FLVCR1: variants seen among roughly 807,000 people sequenced by gnomAD.
FLVCR1 encodes FLVCR choline and heme transporter 1.
Under a neutral mutation model 53.6 loss-of-function variants are expected in FLVCR1, and 34 were observed. The observed-to-expected ratio is 0.63, with a 90% CI of 0.48 to 0.84. FLVCR1 has a LOEUF of 0.84. Among genes scored for constraint, FLVCR1 ranks in the 40% least tolerant of loss-of-function variants. The pLI is 0.00. For missense variants in FLVCR1, 677 were observed against 696.7 expected, an observed-to-expected ratio of 0.97 and a Z score of 0.32; for synonymous variants, 300 against 286.3, an observed-to-expected ratio of 1.05 and a Z score of -0.48.
chr1:212,899,306 TCTGTATG>T lies in FLVCR1; in HGVS notation c.*4019_*4025del, dbSNP rs1198703199. 6.6e-6 allele frequency: 1 copy of T among 152,250 alleles called. No homozygotes were observed. Among genetic ancestry groups the T allele is most frequent in the African/African-American group, 2.4e-5 (1 of 41,476 alleles). 9.4% of individuals were successfully genotyped at this position (152,250 alleles called of 1,614,324 possible). Reference sequence around the variant, plus strand: ...TAATTTTTGTTCTTTGTACTATTTATCTGTATGCTTGTTCTTCAGTATTTCAGACTCA... The same window carrying T: ...TAATTTTTGTTCTTTGTACTATTTATCTTGTTCTTCAGTATTTCAGACTCA... On this transcript the variant is annotated 3_prime_UTR_variant, in exon 10 of 10. Transcript: ENST00000366971.
intron 1 of FLVCR1, among the ~76,000 whole-genome samples, chr1:212,863,071 T>C (rs773600275): frequency 1.4e-4 from 22 of 152,238 alleles, no homozygotes; most frequent in Non-Finnish European, 1.8e-4. Flanking sequence ...TGATCAGATA[T>C]ATAATTTACA....
At chr1:212,893,142 G>A (rs1378973350) in intron 8 of FLVCR1, among the ~76,000 whole-genome samples, 4 of 150,894 alleles carry the variant, frequency 2.7e-5, no homozygotes. Flanking sequence ...AGCAAGCTCT[G>A]CCTCCCGGGT....
intron 2 of FLVCR1, among the ~76,000 whole-genome samples, chr1:212,865,731 C>T (rs1394941904): frequency 6.6e-6 from 1 of 151,944 alleles, no homozygotes; most frequent in Admixed American, 6.6e-5. Context: ...ATCCACCTGC[C>T]TCAACCTCCC....
chr1:212,877,115 T>C (rs1378148299), intron 3 of FLVCR1, among the ~76,000 whole-genome samples: 2 of 149,896 alleles, frequency 1.3e-5, no homozygotes, highest in East Asian at 2.0e-4. Context: ...TTCATGTTTC[T>C]TGGCCACATA....
chr1:212,890,146 A>G (rs1318246165), intron 8 of FLVCR1, among the ~76,000 whole-genome samples: 1 of 152,240 alleles, frequency 6.6e-6, no homozygotes, highest in East Asian at 1.9e-4. Flanking sequence ...CTCCAGAGAA[A>G]GAGAATGTCA....
intron 5 of FLVCR1, among the ~76,000 whole-genome samples, chr1:212,886,986 G>A (rs1260007844): frequency 6.6e-6 from 1 of 152,052 alleles, no homozygotes; most frequent in Non-Finnish European, 1.5e-5. Context: ...ACTTACCCCT[G>A]TACTTGGAAA....
chr1:212,863,358 G>A (rs113902684), intron 1 of FLVCR1, among the ~76,000 whole-genome samples: 2 of 152,164 alleles, frequency 1.3e-5, no homozygotes, highest in African/African-American at 2.4e-5. Flanking sequence ...TTGGGAGGCC[G>A]AGGCGGGCGG....
intron 1 of FLVCR1, among the ~76,000 whole-genome samples, chr1:212,860,079 C>CT (rs773190612): frequency 6.6e-6 from 1 of 151,992 alleles, no homozygotes; most frequent in Admixed American, 6.6e-5. Context: ...GGCCAGGAGT[C>CT]TGAGACCAGC....
At chr1:212,889,633 G>C (rs2047289) in intron 8 of FLVCR1, among the ~76,000 whole-genome samples, 106,247 of 151,860 alleles carry the variant, frequency 0.7, 38,373 homozygotes, top group East Asian at 1. Flanking sequence ...TGGCGCACAC[G>C]TGTAGCCCCA....
chr1:212,859,294 T>G (rs1664146705), intron 1 of FLVCR1, 104 bp downstream of exon 1: 1 of 1,547,462 alleles, frequency 6.5e-7, no homozygotes, highest in South Asian at 1.1e-5. Flanking sequence ...CCAGGAGGTA[T>G]TTGTCTATAA....
At chr1:212,870,920 A>G (rs1664576453) in intron 2 of FLVCR1, among the ~76,000 whole-genome samples, 1 of 152,056 alleles carries the variant, frequency 6.6e-6, no homozygotes, top group Admixed American at 6.6e-5. Context: ...ATGTGCCACC[A>G]TTAATGCCTG....
chr1:212,887,491 A>G (rs1035829506), intron 5 of FLVCR1, among the ~76,000 whole-genome samples: 7 of 152,234 alleles, frequency 4.6e-5, no homozygotes, highest in Non-Finnish European at 1.0e-4. Context: ...AAACTAAAAT[A>G]GATGTCATAA....
intron 2 of FLVCR1, among the ~76,000 whole-genome samples, chr1:212,868,847 T>A (rs1664521122): frequency 6.6e-6 from 1 of 152,210 alleles, no homozygotes; most frequent in East Asian, 1.9e-4. Flanking sequence ...AATTACAGAA[T>A]TATTTTACAT....
Position 212,897,019 on chromosome 1 carries a change from C to T in FLVCR1, c.*1729C>T, listed in dbSNP as rs1306789340. The stretch of plus-strand genomic sequence containing the variant: ...TGAAACCCCATCTCTACTAAAAATA[C>T]AAAAATTAGCGCAGTGGCAGGCGCC... On this transcript the variant is annotated 3_prime_UTR_variant, in exon 10 of 10. Coordinates refer to ENST00000366971, the MANE Select transcript of FLVCR1 (RefSeq NM_014053.4). 6.6e-6 allele frequency: 1 copy of T among 151,588 alleles called. No homozygotes were observed. Among genetic ancestry groups the T allele is most frequent in the East Asian group, 1.9e-4 (1 of 5,172 alleles). The allele number at this position is 151,588 out of a possible 1,614,324, so 9.4% of individuals were successfully genotyped here. A position where few individuals can be genotyped will look rare whatever the true frequency, so the allele number is the denominator to read the frequency against.
intron 1 of FLVCR1, among the ~76,000 whole-genome samples, chr1:212,859,843 A>C (rs1291596579): frequency 6.6e-6 from 1 of 152,178 alleles, no homozygotes. Flanking sequence ...TATTTTTGTC[A>C]CCAGTGTATT....
chr1:212,860,350 G>GTTTTTTTTTTTTTGTTTTTTTTTTTTT (rs1664188244), intron 1 of FLVCR1, among the ~76,000 whole-genome samples: 1 of 85,824 alleles, frequency 1.2e-5, no homozygotes, highest in Non-Finnish European at 2.4e-5. Flanking sequence ...TGTGTGTGTG[G>GTTTTTTTTTTTTTGTTTTTTTTTTTTT]TTTTTTTTTT....
chr1:212,888,409 C>A (rs1453869590), intron 6 of FLVCR1, 80 bp from the exon 7 acceptor site: 4 of 969,658 alleles, frequency 4.1e-6, no homozygotes, highest in Non-Finnish European at 6.7e-6. Context: ...AGAATAAGCC[C>A]GAGAGGCAGA....
At position 212,885,344 on chromosome 1, in the gene FLVCR1, A is replaced by G. The variant is rs892478726; in HGVS notation, c.1144A>G (p.Met382Val). Residue 382 changes from methionine to valine, a missense_variant, in exon 5 of 10, where the codon ATG becomes GTG. Physicochemically the swap from Met to Val is conservative, Grantham distance 21 (BLOSUM62 1). Coordinates refer to ENST00000366971, the MANE Select transcript of FLVCR1 (RefSeq NM_014053.4). ...RIGLTLVVAG[M>V]VGSILCGLWL... is the part of the protein sequence containing the mutation. ...TGGGCTAACGCTAGTAGTAGCTGGA[A>G]TGGTGGGCTCTATTCTTTGTGGCTT... The G allele has an allele frequency of 6.2e-7, 1 of 1,614,142 alleles. No homozygotes were observed. The highest frequency in any genetic ancestry group is 8.5e-7 in the Non-Finnish European group (1 of 1,180,012).
intron 2 of FLVCR1, 66 bp downstream of exon 2, chr1:212,863,935 T>A: frequency 7.4e-7 from 1 of 1,355,718 alleles, no homozygotes; most frequent in Non-Finnish European, 1.1e-6. Flanking sequence ...TAACTAACTC[T>A]GGAAATTTTT....
Sources: gnomAD v4.1 joint callset for allele counts (sites outside exome capture counted in the v4.1 genomes callset) on GRCh38, gnomAD v4.1.1 for gene constraint, MANE v1.5 for transcripts, NCBI Gene and HGNC (gene_info 2026-07-23, HGNC 2026-07-21) for gene names.